The following CHODL variants were observed in gnomAD, a reference collection of about 807,000 sequenced individuals.
CHODL encodes transmembrane protein MT75.
Under a neutral mutation model 34.5 loss-of-function variants are expected in CHODL, and 29 were observed. That is an observed-to-expected ratio of 0.84 (90% confidence interval 0.63 to 1.15). The LOEUF is 1.15. Among genes scored for constraint, CHODL ranks in the 50% most tolerant of loss-of-function variants. The pLI is 0.00. For synonymous variants in CHODL, 125 were observed against 116.1 expected, an observed-to-expected ratio of 1.08 and a Z score of -0.49; for missense variants, 332 against 332.5, an observed-to-expected ratio of 1.00 and a Z score of 0.01.
At chr21:18,234,486 T>A (rs1392533011) in intron 2 of CHODL, among the ~76,000 whole-genome samples, 1 of 152,122 alleles carries the variant, frequency 6.6e-6, no homozygotes, top group African/African-American at 2.4e-5. Flanking sequence ...TCATTATGCA[T>A]ATTTTGAGTG....
Position 18,211,103 on chromosome 21 carries a change from T to C in CHODL, c.-44-45406T>C, listed in dbSNP as rs527586085. ...ATACACCTGCCTCTTTTCCTTTAAA[T>C]ATTTATATATTTTATTCCCTTGCAT... On this transcript the variant is annotated intron_variant, in intron 2 of 6. Transcript: ENST00000400127. 7.3e-5 allele frequency among the ~76,000 whole-genome samples: 11 copies of C among 151,300 alleles called. No homozygotes were observed. The South Asian group carries it at 1.5e-3, about 20-fold the overall frequency.
intron 2 of CHODL, among the ~76,000 whole-genome samples, chr21:18,194,603 TAA>T (rs35092206): frequency 0.043 from 6,271 of 145,174 alleles, 390 homozygotes; most frequent in African/African-American, 0.14. Flanking sequence ...GAGTTACTCT[TAA>T]AAAAAAAAAA....
At chr21:18,184,280 A>G (rs1237230846) in intron 2 of CHODL, among the ~76,000 whole-genome samples, 2 of 152,206 alleles carry the variant, frequency 1.3e-5, no homozygotes, top group East Asian at 3.9e-4. Flanking sequence ...ATATAAATAC[A>G]TATCTGTAAT....
At chr21:18,087,960 G>C (rs204008) in intron 2 of CHODL, among the ~76,000 whole-genome samples, 109 of 152,246 alleles carry the variant, frequency 7.2e-4, no homozygotes, top group African/African-American at 2.5e-3. Context: ...AAGGAGGCAC[G>C]ATCTTCACAT....
At chr21:18,055,890 AAAAAGACAGTTT>A (rs2064574034) in intron 2 of CHODL, among the ~76,000 whole-genome samples, 1 of 152,068 alleles carries the variant, frequency 6.6e-6, no homozygotes, top group Admixed American at 6.6e-5. Flanking sequence ...TCCTTAGGTT[AAAAAGACAGTTT>A]AATGGTGACA....
In CHODL at chr21:18,245,257, G is replaced by A. The variant is rs566298933; in HGVS notation, c.34G>A (p.Ala12Thr). The change falls in exon 1 of 6, where the codon GCG becomes ACG. Residue 12 changes from alanine to threonine, a missense_variant. Ala to Thr is a moderately conservative substitution (Grantham distance 58). Transcript: ENST00000299295. ...SRVVSLLLGA[A>T]LLCGHGAFCR... ...CGTGGTCTCGCTGCTGCTGGGCGCC[G>A]CGCTGCTCTGCGGCCACGGAGCCTT... 2.0e-6 allele frequency: 3 copies of A among 1,522,752 alleles called. No individual in the cohort carries two copies. Among genetic ancestry groups the A allele is most frequent in the South Asian group, 1.2e-5 (1 of 83,116 alleles). The allele number at this position is 1,522,752 out of a possible 1,614,324, so 94.3% of individuals were successfully genotyped here. A position where few individuals can be genotyped will look rare whatever the true frequency, so the allele number is the denominator to read the frequency against.
chr21:17,978,031 C>T (rs2063680574), intron 1 of CHODL, among the ~76,000 whole-genome samples: 1 of 151,674 alleles, frequency 6.6e-6, no homozygotes, highest in African/African-American at 2.4e-5. Context: ...TTAGCCCAAA[C>T]AGTGGCTTAA....
chr21:18,201,785 T>C (rs2073654955), intron 2 of CHODL, among the ~76,000 whole-genome samples: 1 of 151,434 alleles, frequency 6.6e-6, no homozygotes, highest in South Asian at 2.1e-4. Flanking sequence ...TGAATAAAGT[T>C]CATATTTTTA....
At position 18,245,377 on chromosome 21, in the gene CHODL, G is replaced by C. The variant is rs1201749055; in HGVS notation, c.79+75G>C. 5.5e-6 allele frequency: 7 copies of C among 1,283,528 alleles called. No individual in the cohort carries two copies. In the Admixed American group the frequency reaches 8.0e-5, roughly 15 times the overall value. 79.5% of individuals were successfully genotyped at this position (1,283,528 alleles called of 1,614,324 possible). A position where few individuals can be genotyped will look rare whatever the true frequency, so the allele number is the denominator to read the frequency against. On this transcript the variant is annotated intron_variant, in intron 1 of 5. Transcript: ENST00000299295. Reference sequence around the variant, plus strand: ...GGGGCGCGGCGGGCAGCCTGTTCTCGGGCGGAGGCTCTCCGGGGCGTTGGA... The same window carrying C: ...GGGGCGCGGCGGGCAGCCTGTTCTCCGGCGGAGGCTCTCCGGGGCGTTGGA...
chr21:18,086,575 A>G lies in CHODL; in HGVS notation c.-45+58604A>G, dbSNP rs2065010304. 1.3e-5 allele frequency among the ~76,000 whole-genome samples: 2 copies of G among 152,144 alleles called. 1 individual carries two copies. Among genetic ancestry groups the G allele is most frequent in the South Asian group, 4.1e-4 (2 of 4,834 alleles). Reference sequence around the variant, plus strand: ...TGGCTTTAATTTTGTGTGACTTATGATAGTATAATCTTTGTATGACTACTT... The same window carrying G: ...TGGCTTTAATTTTGTGTGACTTATGGTAGTATAATCTTTGTATGACTACTT... On this transcript the variant is annotated intron_variant, in intron 2 of 6. Transcript: ENST00000400127.
rs941077303 is a variant in CHODL, at chr21:18,056,231, C to A, written c.-45+28260C>A. On this transcript the variant is annotated intron_variant, in intron 2 of 6. Transcript: ENST00000400127. ...CCTTCAAGATTTTGAAGGCATTTCT[C>A]CAGTGTTTATTGTTTCTTGTGTTGC... 4.0e-5 allele frequency among the ~76,000 whole-genome samples: 6 copies of A among 151,830 alleles called. No individual in the cohort carries two copies. The East Asian group carries it at 1.2e-3, about 29-fold the overall frequency.
At chr21:18,215,691 C>A (rs2073820868) in intron 2 of CHODL, among the ~76,000 whole-genome samples, 1 of 152,072 alleles carries the variant, frequency 6.6e-6, no homozygotes, top group African/African-American at 2.4e-5. Flanking sequence ...TTGAATTTGC[C>A]ATTTGATTTG....
At chr21:18,235,731 C>T (rs2074022700) in intron 2 of CHODL, among the ~76,000 whole-genome samples, 1 of 152,014 alleles carries the variant, frequency 6.6e-6, no homozygotes, top group Non-Finnish European at 1.5e-5. Flanking sequence ...TTGAAAATAG[C>T]ATTTGGTTGC....
intron 2 of CHODL, among the ~76,000 whole-genome samples, chr21:18,144,075 T>C (rs1008830637): frequency 6.6e-6 from 1 of 152,106 alleles, no homozygotes; most frequent in East Asian, 1.9e-4. Flanking sequence ...ATGTAATTAG[T>C]AGGATTTCTT....
At chr21:18,221,638 A>G (rs1421739308) in intron 2 of CHODL, among the ~76,000 whole-genome samples, 1 of 152,186 alleles carries the variant, frequency 6.6e-6, no homozygotes, top group African/African-American at 2.4e-5. Context: ...ATTTGGCTAT[A>G]AGCAACACAC....
At chr21:17,979,637 TG>T (rs1409224592) in intron 1 of CHODL, among the ~76,000 whole-genome samples, 1 of 152,218 alleles carries the variant, frequency 6.6e-6, no homozygotes, top group African/African-American at 2.4e-5. Context: ...GTATGATTTC[TG>T]AAGATCTCAA....
At chr21:18,176,713 G>A (rs957935728) in intron 2 of CHODL, among the ~76,000 whole-genome samples, 2 of 152,120 alleles carry the variant, frequency 1.3e-5, no homozygotes, top group African/African-American at 4.8e-5. Flanking sequence ...CCAAGGATAA[G>A]TAGATTCAAC....
chr21:17,956,779 G>A (rs2063496498), intron 1 of CHODL, among the ~76,000 whole-genome samples: 1 of 135,896 alleles, frequency 7.4e-6, no homozygotes, highest in Non-Finnish European at 1.7e-5. Context: ...GTGTCCTTAT[G>A]ACCTTAACCC....
intron 2 of CHODL, among the ~76,000 whole-genome samples, chr21:18,061,643 C>T (rs1176412873): frequency 6.6e-6 from 1 of 152,136 alleles, no homozygotes; most frequent in Non-Finnish European, 1.5e-5. Flanking sequence ...AACAATTGCA[C>T]TTGTCAACAT....
Sources: gnomAD v4.1 joint callset for allele counts (sites outside exome capture counted in the v4.1 genomes callset) on GRCh38, gnomAD v4.1.1 for gene constraint, MANE v1.5 for transcripts, NCBI Gene and HGNC (gene_info 2026-07-23, HGNC 2026-07-21) for gene names.